Variants in ATP2B4 observed in about 807,000 individuals in gnomAD.
The protein encoded by ATP2B4 is ATPase plasma membrane Ca2+ transporting 4.
Under a neutral mutation model 110.3 loss-of-function variants are expected in ATP2B4, and 39 were observed. The ratio of observed to expected loss-of-function variants is 0.35; its 90% CI spans 0.27 to 0.46. ATP2B4 has a LOEUF of 0.46. Ranked by LOEUF, ATP2B4 falls within the 20% of genes least tolerant of loss-of-function variation. ATP2B4 has a pLI of 1.00. For missense variants in ATP2B4, 1,135 were observed against 1,530.9 expected, an observed-to-expected ratio of 0.74 and a Z score of 4.32; for synonymous variants, 538 against 571.7, an observed-to-expected ratio of 0.94 and a Z score of 0.84.
At chr1:203,664,377 C>G (rs575722385) in intron 1 of ATP2B4, among the ~76,000 whole-genome samples, 1 of 152,316 alleles carries the variant, frequency 6.6e-6, no homozygotes, top group Admixed American at 6.5e-5. Flanking sequence ...GAGGCTCTGA[C>G]AGAGGGGCAG....
intron 1 of ATP2B4, among the ~76,000 whole-genome samples, chr1:203,637,511 ATAT>A (rs1328708027): frequency 1.3e-5 from 2 of 152,140 alleles, no homozygotes; most frequent in African/African-American, 4.8e-5. Flanking sequence ...TCACCTAACA[ATAT>A]TATTCGACAC....
chr1:203,739,796 A>T lies in ATP2B4; in HGVS notation c.3560A>T (p.Asn1187Ile). The T allele has an allele frequency of 6.2e-7, 1 of 1,614,172 alleles. No homozygotes were observed. Among genetic ancestry groups the T allele is most frequent in the Non-Finnish European group, 8.5e-7 (1 of 1,180,028 alleles). Residue 1187 changes from asparagine to isoleucine, a missense_variant, in exon 21 of 21, where the codon AAC becomes ATC. By Grantham distance (149) the Asn-to-Ile change is moderately radical (BLOSUM62 -3). Around this residue, in one of 9 missense-constraint regions of ATP2B4, gnomAD observed 92 missense variants for 82.5 expected, o/e 1.11. Coordinates refer to ENST00000357681, the MANE Select transcript of ATP2B4 (RefSeq NM_001684.5). ...ANTNNNAVDCNQVQLPQSDSS... is the reference protein window; with the variant it reads ...ANTNNNAVDCIQVQLPQSDSS... Reference sequence around the variant, plus strand: ...ACAAACAACAATGCGGTGGATTGCAACCAAGTGCAGCTCCCCCAGTCGGAC... The same window carrying T: ...ACAAACAACAATGCGGTGGATTGCATCCAAGTGCAGCTCCCCCAGTCGGAC...
Position 203,716,266 on chromosome 1 carries a change from C to T in ATP2B4, c.2406+1989C>T, listed in dbSNP as rs569536608. ...GAATCTGGATAAATCTATTTGCAGT[C>T]TTTCTTATGCTCTCCCTCCCATGAG... is the stretch of plus-strand genomic sequence containing the variant. On this transcript the variant is annotated intron_variant, in intron 15 of 20. Transcript: ENST00000357681. 1.4e-5 allele frequency among the ~76,000 whole-genome samples: 2 copies of T among 145,124 alleles called. 1 individual carries two copies. The highest frequency in any genetic ancestry group is 4.7e-4 in the South Asian group (2 of 4,256).
chr1:203,672,289 A>C (rs796768321), intron 1 of ATP2B4, among the ~76,000 whole-genome samples: 8 of 121,060 alleles, frequency 6.6e-5, no homozygotes, highest in African/African-American at 2.7e-4. Context: ...TTTTCTGGCT[A>C]TCCTGTTTTT....
At chr1:203,705,134 A>G (rs1471951686) in intron 8 of ATP2B4, among the ~76,000 whole-genome samples, 1 of 152,248 alleles carries the variant, frequency 6.6e-6, no homozygotes, top group Non-Finnish European at 1.5e-5. Context: ...CACGAGCCAC[A>G]TGTGCTAGTA....
At chr1:203,656,621 T>C (rs1020725515) in intron 1 of ATP2B4, among the ~76,000 whole-genome samples, 1 of 152,246 alleles carries the variant, frequency 6.6e-6, no homozygotes, top group South Asian at 2.1e-4. Flanking sequence ...AGATACTTCA[T>C]TTAAATTCTC....
intron 2 of ATP2B4, among the ~76,000 whole-genome samples, chr1:203,690,718 A>C (rs1665342688): frequency 6.6e-6 from 1 of 152,030 alleles, no homozygotes. Flanking sequence ...TCTTGCCCCA[A>C]CTCTACTAAG....
chr1:203,724,344 C>T (rs565333160), intron 19 of ATP2B4, among the ~76,000 whole-genome samples: 1 of 151,900 alleles, frequency 6.6e-6, no homozygotes, highest in Non-Finnish European at 1.5e-5. Flanking sequence ...GGTGAAACCC[C>T]GTCTCTACTA....
chr1:203,635,830 G>T (rs901487776), intron 1 of ATP2B4, among the ~76,000 whole-genome samples: 1 of 152,220 alleles, frequency 6.6e-6, no homozygotes, highest in Admixed American at 6.5e-5. Flanking sequence ...CAATAGGAGT[G>T]TCTTTTCTAA....
intron 1 of ATP2B4, among the ~76,000 whole-genome samples, chr1:203,677,848 C>A (rs926475014): frequency 6.6e-6 from 1 of 152,230 alleles, no homozygotes; most frequent in Non-Finnish European, 1.5e-5. Context: ...CCCTTCCTCA[C>A]TCATCAAGTC....
chr1:203,682,928 T>A lies in ATP2B4; in HGVS notation c.-278T>A. 1 of 360,716 alleles carries A rather than the reference T, an allele frequency of 2.8e-6. No homozygotes were observed. The allele number at this position is 360,716 out of a possible 1,614,324, so 22.3% of individuals were successfully genotyped here. A position where few individuals can be genotyped will look rare whatever the true frequency, so the allele number is the denominator to read the frequency against. ...CTGGACAACTACTATCATCACCACC[T>A]GGGGACACCAATCATCGTGACACGG... On this transcript the variant is annotated 5_prime_UTR_variant, in exon 2 of 21. Transcript: ENST00000357681.
At chr1:203,661,284 G>A (rs986420992) in intron 1 of ATP2B4, among the ~76,000 whole-genome samples, 2 of 152,174 alleles carry the variant, frequency 1.3e-5, no homozygotes, top group Admixed American at 6.5e-5. Flanking sequence ...TGAAAAAAGT[G>A]TGGCTTCTGC....
rs56042023 is a variant in ATP2B4 at position 203,656,066 on chromosome 1, ATT to A, written c.-464-26662_-464-26661del. 5.4e-3 allele frequency among the ~76,000 whole-genome samples: 799 copies of A among 147,032 alleles called. 4 individuals carry two copies. Among genetic ancestry groups the A allele is most frequent in the Non-Finnish European group, 8.1e-3 (543 of 67,072 alleles). On this transcript the variant is annotated intron_variant, in intron 1 of 20. Coordinates refer to ENST00000357681, the MANE Select transcript of ATP2B4 (RefSeq NM_001684.5). ...ATTACATGTGCCACCACGCCCAGCT[ATT>A]TTTTTTTTTTTTTGGTGATTATAGA...
rs1186708670 is a variant in ATP2B4, at chr1:203,683,065, T to TA, written c.-140dup. On this transcript the variant is annotated 5_prime_UTR_variant, in exon 2 of 21. Coordinates refer to ENST00000357681, the MANE Select transcript of ATP2B4 (RefSeq NM_001684.5). ...CTACTCGGGAGCTTATTGCACAAGA[T>TA]ATATTCAATCTATTCCCTCACTGGG... is the stretch of plus-strand genomic sequence containing the variant. The TA allele has an allele frequency of 6.7e-6, 6 of 899,668 alleles. No homozygotes were observed. In the African/African-American group the frequency reaches 1.0e-4, roughly 15 times the overall value. The allele number at this position is 899,668 out of a possible 1,614,324, so 55.7% of individuals were successfully genotyped here.
chr1:203,647,557 G>A (rs544353806), intron 1 of ATP2B4, among the ~76,000 whole-genome samples: 2 of 152,034 alleles, frequency 1.3e-5, no homozygotes, highest in African/African-American at 2.4e-5. Flanking sequence ...CCAAGAGTTC[G>A]AGACCAGCCT....
intron 1 of ATP2B4, among the ~76,000 whole-genome samples, chr1:203,631,422 C>A (rs565937657): frequency 1.2e-4 from 18 of 152,324 alleles, no homozygotes; most frequent in Non-Finnish European, 2.5e-4. Context: ...TCTGCCACTT[C>A]ACTTGGGGTG....
intron 1 of ATP2B4, among the ~76,000 whole-genome samples, chr1:203,652,816 G>A (rs568717678): frequency 2.3e-4 from 35 of 152,228 alleles, no homozygotes; most frequent in African/African-American, 7.2e-4. Context: ...CCTCACTGAC[G>A]AGCTGTTCTT....
chr1:203,723,184 A>G (rs1054224389), intron 18 of ATP2B4, among the ~76,000 whole-genome samples: 7 of 152,096 alleles, frequency 4.6e-5, no homozygotes, highest in South Asian at 2.1e-4. Context: ...GACTCCTCCA[A>G]TATGAGACTA....
chr1:203,691,587 C>T (rs1571727839), intron 2 of ATP2B4, among the ~76,000 whole-genome samples: 1 of 152,196 alleles, frequency 6.6e-6, no homozygotes, highest in Non-Finnish European at 1.5e-5. Flanking sequence ...AAGGGTTTTG[C>T]TGACCAGAAT....
Sources: allele counts gnomAD v4.1 joint callset (sites outside exome capture counted in the v4.1 genomes callset), GRCh38; gene constraint gnomAD v4.1.1; regional missense constraint gnomAD v4.1.1; transcripts MANE v1.5; gene names NCBI Gene and HGNC (gene_info 2026-07-23, HGNC 2026-07-21).